Variants in F11 observed in about 807,000 individuals in gnomAD.
F11 encodes the protein coagualtion factor XI.
Under a neutral mutation model 76.5 loss-of-function variants are expected in F11, and 78 were observed. The ratio of observed to expected loss-of-function variants is 1.02; its 90% CI spans 0.85 to 1.23. F11 has a LOEUF of 1.23. Ranked by LOEUF, F11 falls within the 50% of genes most tolerant of loss-of-function variation. The pLI, the probability that F11 is intolerant of heterozygous loss-of-function variation, is 0.00. For missense variants in F11, 742 were observed against 771.4 expected (o/e 0.96, Z 0.45); for synonymous variants, 278 against 276.3 (o/e 1.01, Z -0.06).
At chr4:186,275,196 G>C (rs892352208) in intron 5 of F11, 1 of 456,684 alleles carries the variant, frequency 2.2e-6, no homozygotes, top group Non-Finnish European at 4.4e-6. Context: ...GTCATTAAAA[G>C]TAAGAAGGAC....
intron 2 of F11, among the ~76,000 whole-genome samples, chr4:186,270,579 T>C (rs1245478819): frequency 1.3e-5 from 2 of 152,108 alleles, no homozygotes; most frequent in African/African-American, 4.8e-5. Context: ...ATATTGAAAA[T>C]CAATTTGTCT....
chr4:186,280,476 G>A lies in F11; in HGVS notation c.1031G>A (p.Gly344Asp), dbSNP rs1423578143. ...TACCGTTTTGTTTCCAACTGCAGGGGCAAGTGTTACTTAAAGCTTTCTTCA... is the reference window on the plus strand; with the variant it reads ...TACCGTTTTGTTTCCAACTGCAGGGACAAGTGTTACTTAAAGCTTTCTTCA... ...PAQASCNEGK[G>D]KCYLKLSSNG... The change falls in exon 10 of 15, where the codon GGC (glycine) becomes GAC (aspartate). Residue 344 changes from glycine to aspartate, a missense_variant and splice_region_variant. Transcript: ENST00000403665. 6.2e-7 allele frequency: 1 copy of A among 1,614,044 alleles called. No homozygotes were observed. Among genetic ancestry groups the A allele is most frequent in the Admixed American group, 1.7e-5 (1 of 60,002 alleles).
chr4:186,282,404 A>G, intron 10 of F11: 1 of 985,234 alleles, frequency 1.0e-6, no homozygotes, highest in Non-Finnish European at 1.2e-6. Context: ...TGATGAAATA[A>G]CCCCCTAATG....
intron 14 of F11, among the ~76,000 whole-genome samples, chr4:186,288,141 T>C (rs550860709): frequency 1.3e-5 from 2 of 152,086 alleles, no homozygotes; most frequent in African/African-American, 4.8e-5. Context: ...CTCGATCTCC[T>C]GACCTCATGA....
chr4:186,286,353 C>A, intron 12 of F11, 62 bp from the exon 13 acceptor site: 1 of 1,366,724 alleles, frequency 7.3e-7, no homozygotes, highest in South Asian at 1.2e-5. Flanking sequence ...GAAGAAGAGT[C>A]TCTTCTGGAA....
intron 4 of F11, among the ~76,000 whole-genome samples, chr4:186,273,787 A>G (rs1303445800): frequency 6.6e-6 from 1 of 152,228 alleles, no homozygotes; most frequent in Non-Finnish European, 1.5e-5. Context: ...AGGAGCAAAT[A>G]TAAAGGTTGA....
At chr4:186,279,429 C>A (rs1186237057) in intron 7 of F11, among the ~76,000 whole-genome samples, 1 of 152,124 alleles carries the variant, frequency 6.6e-6, no homozygotes, top group Non-Finnish European at 1.5e-5. Flanking sequence ...ACCTTCCCAG[C>A]TGTGTTAGCC....
chr4:186,267,254 A>G, intron 2 of F11, 63 bp downstream of exon 2: 1 of 970,458 alleles, frequency 1.0e-6, no homozygotes, highest in Non-Finnish European at 1.7e-6. Context: ...ATCTCCACAC[A>G]TGTGGGAGAA....
At chr4:186,279,491 G>T (rs983115524) in intron 7 of F11, among the ~76,000 whole-genome samples, 1 of 152,178 alleles carries the variant, frequency 6.6e-6, no homozygotes, top group African/African-American at 2.4e-5. Context: ...TGTATTGGAT[G>T]GCACAGGCAT....
At position 186,279,952 on chromosome 4, in the gene F11, G is replaced by A. The variant is rs1300259578; in HGVS notation, c.756-60G>A. 5 of 1,306,186 alleles carry A rather than the reference G, an allele frequency of 3.8e-6. No individual in the cohort carries two copies. In the African/African-American group the frequency reaches 5.8e-5, roughly 15 times the overall value. 80.9% of individuals were successfully genotyped at this position (1,306,186 alleles called of 1,614,324 possible). A position where few individuals can be genotyped will look rare whatever the true frequency, so the allele number is the denominator to read the frequency against. Reference sequence around the variant, plus strand: ...GCTGACTTTACTTTCTCTAGGTGCTGTAAAAATGTTTTTATGTGTTTGATA... The same window carrying A: ...GCTGACTTTACTTTCTCTAGGTGCTATAAAAATGTTTTTATGTGTTTGATA... On this transcript the variant is annotated intron_variant, in intron 7 of 14. Transcript: ENST00000403665.
At chr4:186,283,524 C>T (rs1265744843) in intron 10 of F11, among the ~76,000 whole-genome samples, 1 of 152,202 alleles carries the variant, frequency 6.6e-6, no homozygotes, top group Non-Finnish European at 1.5e-5. Flanking sequence ...ATCAGTCTTA[C>T]TTTGGACGTG....
chr4:186,287,647 G>T, intron 13 of F11, 37 bp from the exon 14 acceptor site: 2 of 1,506,610 alleles, frequency 1.3e-6, no homozygotes, highest in Non-Finnish European at 1.8e-6. Context: ...TATTGTGTAT[G>T]GTTATTCTAC....
At chr4:186,287,134 C>T (rs1741262491) in intron 13 of F11, among the ~76,000 whole-genome samples, 2 of 151,872 alleles carry the variant, frequency 1.3e-5, no homozygotes, top group South Asian at 4.2e-4. Context: ...ACCACCACCC[C>T]AAGCTAATTT....
At chr4:186,276,717 G>T (rs1022321411) in intron 7 of F11, among the ~76,000 whole-genome samples, 15 of 150,788 alleles carry the variant, frequency 9.9e-5, no homozygotes, top group African/African-American at 3.7e-4. Context: ...CTCCTGAGTA[G>T]CTGGGACTAC....
At chr4:186,284,430 G>A (rs778337268) in intron 11 of F11, among the ~76,000 whole-genome samples, 170 bp downstream of exon 11, 2 of 152,196 alleles carry the variant, frequency 1.3e-5, no homozygotes, top group African/African-American at 2.4e-5. Flanking sequence ...TGGTCTCCCA[G>A]CATCAGAACA....
intron 10 of F11, among the ~76,000 whole-genome samples, chr4:186,281,712 T>C (rs1416737060): frequency 6.6e-6 from 1 of 152,194 alleles, no homozygotes; most frequent in Non-Finnish European, 1.5e-5. Context: ...ATGTCCAATA[T>C]TACAATACAC....
At chr4:186,276,538 C>A in intron 7 of F11, 148 bp downstream of exon 7, 4 of 750,152 alleles carry the variant, frequency 5.3e-6, no homozygotes, top group Non-Finnish European at 8.9e-6. Context: ...CTCTCCCTTT[C>A]TATTCCCCAC....
At chr4:186,277,878 C>T (rs1050932870) in intron 7 of F11, among the ~76,000 whole-genome samples, 1 of 152,200 alleles carries the variant, frequency 6.6e-6, no homozygotes, top group African/African-American at 2.4e-5. Flanking sequence ...CAGCCCACTG[C>T]AGCCTCCACT....
chr4:186,276,991 C>G (rs1055951931), intron 7 of F11, among the ~76,000 whole-genome samples: 1 of 152,060 alleles, frequency 6.6e-6, no homozygotes, highest in East Asian at 1.9e-4. Flanking sequence ...GAAGTCTGGG[C>G]TTTCAGTGTA....
Sources: gnomAD v4.1 joint callset for allele counts (sites outside exome capture counted in the v4.1 genomes callset) on GRCh38, gnomAD v4.1.1 for gene constraint, MANE v1.5 for transcripts, NCBI Gene and HGNC (gene_info 2026-07-23, HGNC 2026-07-21) for gene names.